RGS6: variants seen among roughly 807,000 people sequenced by gnomAD.
RGS6 encodes regulator of G-protein signaling 6.
A neutral mutation model predicts 78.5 loss-of-function variants in RGS6; 30 were observed. That is an observed-to-expected ratio of 0.38 (90% CI 0.29 to 0.52). The LOEUF is 0.52. Among genes scored for constraint, RGS6 ranks in the 20% least tolerant of loss-of-function variants. RGS6 has a pLI of 0.85. For synonymous variants in RGS6, 206 were observed against 206.0 expected, an observed-to-expected ratio of 1.00 and a Z score of 0.00; for missense variants, 495 against 609.7, an observed-to-expected ratio of 0.81 and a Z score of 1.98.
At chr14:72,064,854 AC>A (rs1240900868) in intron 2 of RGS6, among the ~76,000 whole-genome samples, 1 of 152,260 alleles carries the variant, frequency 6.6e-6, no homozygotes, top group Non-Finnish European at 1.5e-5. Flanking sequence ...GATTAAAAAA[AC>A]AACTTTGAAA....
At position 72,061,481 on chromosome 14, in the gene RGS6, C is replaced by T. The variant is rs1271237395; in HGVS notation, c.84+96606C>T. 2.0e-5 allele frequency among the ~76,000 whole-genome samples: 3 copies of T among 152,162 alleles called. No individual in the cohort carries two copies. The East Asian group carries it at 5.8e-4, about 29-fold the overall frequency. ...CTGCTTAACTGTACTCTTTATTTAG[C>T]CACATTACTGAACAAGAGACAAGCT... On this transcript the variant is annotated intron_variant, in intron 2 of 17. Coordinates refer to ENST00000553525, the MANE Select transcript of RGS6 (RefSeq NM_001204424.2).
At chr14:72,605,406 G>A in the RGS6 span, among the ~76,000 whole-genome samples, 250 of 152,300 alleles carry the variant, frequency 1.6e-3, no homozygotes, top group Middle Eastern at 3.4e-3. Context: ...TGCTTCCCCC[G>A]GAGAACACTT....
chr14:72,006,856 G>A lies in RGS6; in HGVS notation c.84+41981G>A, dbSNP rs116006433. ...GATAGGACTTTGAACGAGGCAGCGG[G>A]CTGTGGAAAAGCTGTAAGGATTAAG... On this transcript the variant is annotated intron_variant, in intron 2 of 17. Coordinates refer to ENST00000553525, the MANE Select transcript of RGS6 (RefSeq NM_001204424.2). Among the ~76,000 whole-genome samples, 1,090 of 152,294 alleles carry A rather than the reference G, an allele frequency of 7.2e-3. 15 individuals are homozygous for A. Among genetic ancestry groups the A allele is most frequent in the African/African-American group, 0.025 (1,037 of 41,560 alleles).
At chr14:72,017,300 G>T (rs933725921) in intron 2 of RGS6, among the ~76,000 whole-genome samples, 11 of 152,006 alleles carry the variant, frequency 7.2e-5, no homozygotes, top group Non-Finnish European at 1.2e-4. Context: ...TGTTATTTTT[G>T]TATATCTTGC....
At chr14:71,892,236 T>A in the RGS6 span, among the ~76,000 whole-genome samples, 7 of 152,322 alleles carry the variant, frequency 4.6e-5, no homozygotes, top group African/African-American at 1.4e-4. Context: ...GAAGAGGAAA[T>A]CTACTGGGAG....
intron 2 of RGS6, among the ~76,000 whole-genome samples, chr14:72,328,681 G>A (rs561071609): frequency 3.0e-4 from 45 of 152,212 alleles, no homozygotes; most frequent in Non-Finnish European, 4.7e-4. Context: ...CCCATTCTAC[G>A]TACCCCAAAC....
intron 2 of RGS6, among the ~76,000 whole-genome samples, chr14:72,287,979 A>C (rs1484101871): frequency 6.6e-6 from 1 of 152,208 alleles, no homozygotes; most frequent in African/African-American, 2.4e-5. Context: ...TTAATGTGCT[A>C]TGGAATTCTG....
Position 72,391,553 on chromosome 14 carries a change from C to T in RGS6, c.184+39359C>T, listed in dbSNP as rs150215050. Among the ~76,000 whole-genome samples, 27 of 152,274 alleles carry T rather than the reference C, an allele frequency of 1.8e-4. 1 individual carries two copies. Among genetic ancestry groups the T allele is most frequent in the Non-Finnish European group, 2.9e-4 (20 of 68,030 alleles). On this transcript the variant is annotated intron_variant, in intron 3 of 17. Coordinates refer to ENST00000553525, the MANE Select transcript of RGS6 (RefSeq NM_001204424.2). ...TTACTTCTCACCCCTGGGCCATTTC[C>T]GCCACTTTTCCTCCATCTCCTTTAT...
chr14:72,493,338 A>G lies in RGS6; in HGVS notation c.855-1814A>G, dbSNP rs577339248. Reference sequence around the variant, plus strand: ...TGAGAAGGTATTTCATCCATAAAACAAGAACTAGACACTATGATAACCAAA... The same window carrying G: ...TGAGAAGGTATTTCATCCATAAAACGAGAACTAGACACTATGATAACCAAA... On this transcript the variant is annotated intron_variant, in intron 12 of 17. Transcript: ENST00000553525. Among the ~76,000 whole-genome samples the G allele has an allele frequency of 2.9e-4, 44 of 152,338 alleles. 1 individual carries two copies. The highest frequency in any genetic ancestry group is 8.3e-4 in the South Asian group (4 of 4,830).
At chr14:72,361,487 G>T (rs1450866473) in intron 3 of RGS6, among the ~76,000 whole-genome samples, 1 of 152,202 alleles carries the variant, frequency 6.6e-6, no homozygotes, top group African/African-American at 2.4e-5. Context: ...AAATATAGTA[G>T]ATGGTGATTA....
At chr14:72,203,870 G>A (rs2042138752) in intron 2 of RGS6, among the ~76,000 whole-genome samples, 1 of 149,078 alleles carries the variant, frequency 6.7e-6, no homozygotes, top group Admixed American at 6.7e-5. Context: ...TGTCACCCAG[G>A]CTGGAGTGCA....
At chr14:71,981,408 G>C (rs147248681) in intron 2 of RGS6, among the ~76,000 whole-genome samples, 28 of 152,252 alleles carry the variant, frequency 1.8e-4, no homozygotes, top group South Asian at 4.2e-4. Flanking sequence ...TGCTTTTGGT[G>C]TTTGATGATG....
the RGS6 span, among the ~76,000 whole-genome samples, chr14:71,919,154 C>A: frequency 6.6e-6 from 1 of 152,326 alleles, no homozygotes; most frequent in East Asian, 1.9e-4. Context: ...CCACAGCTCC[C>A]AGCTTCCCCA....
At chr14:71,909,487 G>A in the RGS6 span, among the ~76,000 whole-genome samples, 2 of 151,966 alleles carry the variant, frequency 1.3e-5, no homozygotes, top group Non-Finnish European at 2.9e-5. Context: ...TGCACAGAGA[G>A]AGAGAGAGAG....
chr14:72,286,342 CTG>C (rs1370441378), intron 2 of RGS6, among the ~76,000 whole-genome samples: 1 of 152,190 alleles, frequency 6.6e-6, no homozygotes, highest in Non-Finnish European at 1.5e-5. Context: ...TATTGCTCCA[CTG>C]TCTCTTCTGT....
rs752956445 is a variant in RGS6 at position 72,476,765 on chromosome 14, G to A, written c.717G>A (p.Glu239=). 7.4e-6 allele frequency: 12 copies of A among 1,614,182 alleles called. No homozygotes were observed. Among genetic ancestry groups the A allele is most frequent in the Non-Finnish European group, 1.0e-5 (12 of 1,180,008 alleles). Residue 239 remains glutamate, a synonymous_variant, in exon 11 of 18, where the codon GAG becomes GAA. Coordinates refer to ENST00000553525, the MANE Select transcript of RGS6 (RefSeq NM_001204424.2). ...VKKSVYGVTE[E]SQAQSPVHVL... is the part of the protein sequence containing the mutation. ...AGTCCGTGTATGGCGTGACTGAAGA[G>A]TCCCAGGCACAGAGCCCGGTGCATG...
At chr14:72,616,523 G>A in the RGS6 span, among the ~76,000 whole-genome samples, 38 of 152,284 alleles carry the variant, frequency 2.5e-4, no homozygotes, top group African/African-American at 8.9e-4. Flanking sequence ...GGCGGACATG[G>A]AAAACATCCG....
intron 3 of RGS6, among the ~76,000 whole-genome samples, chr14:72,358,277 G>A (rs2080770770): frequency 2.0e-5 from 3 of 152,200 alleles, no homozygotes; most frequent in African/African-American, 7.2e-5. Context: ...CCCACACAGA[G>A]TCCCCACTGG....
At chr14:72,297,560 G>T (rs1476730416) in intron 2 of RGS6, among the ~76,000 whole-genome samples, 2 of 142,040 alleles carry the variant, frequency 1.4e-5, no homozygotes, top group Non-Finnish European at 3.1e-5. Flanking sequence ...ATCTCCCAAT[G>T]CTATCCCTCC....
Sources: allele counts gnomAD v4.1 joint callset (sites outside exome capture counted in the v4.1 genomes callset), GRCh38; gene constraint gnomAD v4.1.1; transcripts MANE v1.5; gene names NCBI Gene and HGNC (gene_info 2026-07-23, HGNC 2026-07-21).